The following KAT14 variants were observed in gnomAD, a reference collection of about 807,000 sequenced individuals.
KAT14 encodes the protein lysine acetyltransferase 14.
A neutral mutation model predicts 78.4 loss-of-function variants in KAT14; 66 were observed. The ratio of observed to expected loss-of-function variants is 0.84; its 90% CI spans 0.69 to 1.03. The LOEUF (loss-of-function observed/expected upper bound fraction) is 1.03. Ranked by LOEUF, KAT14 falls within the 50% of genes least tolerant of loss-of-function variation. The probability of loss-of-function intolerance (pLI) is 0.00; values close to 1 mark genes in which losing one functional copy is unlikely to be tolerated. For missense variants in KAT14, 870 were observed against 972.5 expected, an observed-to-expected ratio of 0.89 and a Z score of 1.40; for synonymous variants, 344 against 359.4, an observed-to-expected ratio of 0.96 and a Z score of 0.48.
rs1394415528 is a variant in KAT14 at position 18,161,815 on chromosome 20, C to G, written c.683-8C>G. 1 of 1,609,866 alleles carries G rather than the reference C, an allele frequency of 6.2e-7. No individual in the cohort carries two copies. The highest frequency in any genetic ancestry group is 1.3e-5 in the African/African-American group (1 of 74,614). On this transcript the variant is annotated splice_polypyrimidine_tract_variant and splice_region_variant and intron_variant, in intron 5 of 10. Transcript: ENST00000688188. The stretch of plus-strand genomic sequence containing the variant: ...GATACTCAGCCTGTATTTATTCTTT[C>G]TTAGCAGCCTCAAAACCAACTTTAG...
chr20:18,143,615 A>ATTTTTTTGTTTTT, intron 2 of KAT14, among the ~76,000 whole-genome samples: 1 of 103,998 alleles, frequency 9.6e-6, no homozygotes, highest in Non-Finnish European at 2.0e-5. Context: ...CACCTGGCTA[A>ATTTTTTTGTTTTT]TTTTTTTTTT....
At chr20:18,167,253 A>T (rs992580561) in intron 7 of KAT14, among the ~76,000 whole-genome samples, 4 of 152,148 alleles carry the variant, frequency 2.6e-5, no homozygotes, top group African/African-American at 9.7e-5. Flanking sequence ...TGTAGTATAG[A>T]TTGGGTTAGT....
chr20:18,170,289 C>T (rs972567329), intron 7 of KAT14, among the ~76,000 whole-genome samples: 1 of 152,122 alleles, frequency 6.6e-6, no homozygotes, highest in African/African-American at 2.4e-5. Flanking sequence ...GAAGTCAGTG[C>T]CTAGCTTCAG....
chr20:18,164,841 G>C (rs2076171562), intron 7 of KAT14, among the ~76,000 whole-genome samples: 1 of 151,778 alleles, frequency 6.6e-6, no homozygotes, highest in South Asian at 2.1e-4. Flanking sequence ...TGCCCAGACT[G>C]ATCTCAAACT....
Position 18,162,758 on chromosome 20 carries a change from T to G in KAT14, c.1481T>G (p.Leu494Arg). 1 of 1,614,186 alleles carries G rather than the reference T, an allele frequency of 6.2e-7. No homozygotes were observed. Among genetic ancestry groups the G allele is most frequent in the Middle Eastern group, 1.6e-4 (1 of 6,062 alleles). ...TPEARRLKRK[L>R]IVRQAKRDRG... ...GAAGCTCGGAGACTGAAACGCAAAC[T>G]GATTGTCAGACAAGCGAAAAGGGAT... is the stretch of plus-strand genomic sequence containing the variant. The change falls in exon 7 of 11, where the codon CTG becomes CGG. Residue 494 changes from leucine to arginine, a missense_variant. Leu to Arg is a moderately radical substitution (Grantham distance 102). Coordinates refer to ENST00000688188, the MANE Select transcript of KAT14 (RefSeq NM_001392073.1).
At chr20:18,141,023 A>ATTTTTTT (rs67633205) in intron 1 of KAT14, among the ~76,000 whole-genome samples, 46 of 48,742 alleles carry the variant, frequency 9.4e-4, no homozygotes, top group Middle Eastern at 0.012. Context: ...ACTCCCTGCA[A>ATTTTTTT]TTTTTTTTTT....
rs1013035810 is a variant in KAT14, at chr20:18,181,430, G to T, written c.1669-280G>T. Among the ~76,000 whole-genome samples, 42 of 142,874 alleles carry T rather than the reference G, an allele frequency of 2.9e-4. 1 individual carries two copies. The allele number at this position is 142,874 out of a possible 152,430, so 93.7% of individuals were successfully genotyped here. Reference sequence around the variant, plus strand: ...ATCGCCCAGGCTGGAGTGCAGTGGTGCAATCTCGGCTCACTGCAAGCTCCG... The same window carrying T: ...ATCGCCCAGGCTGGAGTGCAGTGGTTCAATCTCGGCTCACTGCAAGCTCCG... On this transcript the variant is annotated intron_variant, in intron 7 of 10. Coordinates refer to ENST00000688188, the MANE Select transcript of KAT14 (RefSeq NM_001392073.1).
intron 10 of KAT14, among the ~76,000 whole-genome samples, chr20:18,185,611 A>G (rs1234725696): frequency 6.6e-6 from 1 of 152,180 alleles, no homozygotes; most frequent in East Asian, 1.9e-4. Flanking sequence ...CCTTTAATAT[A>G]TTTGTATCAC....
chr20:18,182,811 A>G (rs757098868), intron 8 of KAT14, among the ~76,000 whole-genome samples: 4 of 152,124 alleles, frequency 2.6e-5, no homozygotes, highest in African/African-American at 9.7e-5. Context: ...CTGGCCTCCA[A>G]GGCACTGGAG....
intron 7 of KAT14, among the ~76,000 whole-genome samples, chr20:18,166,886 A>T (rs1163283050): frequency 6.6e-6 from 1 of 152,274 alleles, no homozygotes; most frequent in Non-Finnish European, 1.5e-5. Flanking sequence ...TGTCTAGGTG[A>T]GACCTCTGTT....
At chr20:18,185,282 T>C (rs1424050860) in intron 10 of KAT14, among the ~76,000 whole-genome samples, 1 of 152,172 alleles carries the variant, frequency 6.6e-6, no homozygotes. Context: ...CAATCATAGC[T>C]CACTGCAGCC....
chr20:18,165,650 G>A (rs1293722759), intron 7 of KAT14, among the ~76,000 whole-genome samples: 2 of 152,188 alleles, frequency 1.3e-5, no homozygotes, highest in African/African-American at 4.8e-5. Context: ...TTACAGTGAT[G>A]TTCTGGCTTC....
intron 9 of KAT14, among the ~76,000 whole-genome samples, chr20:18,184,175 TG>T (rs1174050312): frequency 5.3e-5 from 8 of 152,180 alleles, no homozygotes; most frequent in African/African-American, 1.4e-4. Context: ...ATTATATGTG[TG>T]GGGGGTAAAG....
chr20:18,176,387 AG>A (rs2039052394), intron 7 of KAT14, among the ~76,000 whole-genome samples: 1 of 151,900 alleles, frequency 6.6e-6, no homozygotes. Flanking sequence ...GTCCTTAGGC[AG>A]GGGGCATCCT....
chr20:18,164,957 CCTGT>C (rs1382589338), intron 7 of KAT14, among the ~76,000 whole-genome samples: 5 of 151,990 alleles, frequency 3.3e-5, no homozygotes, highest in South Asian at 2.1e-4. Context: ...TTCTTGTGGG[CCTGT>C]CTGTTTACTG....
At chr20:18,186,831 T>G (rs186523461) in intron 10 of KAT14, among the ~76,000 whole-genome samples, 3 of 152,344 alleles carry the variant, frequency 2.0e-5, no homozygotes. Context: ...TATTTCATGT[T>G]TGTGCATGTA....
At chr20:18,152,286 C>T (rs2038077035) in intron 4 of KAT14, among the ~76,000 whole-genome samples, 1 of 151,780 alleles carries the variant, frequency 6.6e-6, no homozygotes, top group Non-Finnish European at 1.5e-5. Flanking sequence ...TCTTAGAAAA[C>T]ACCAACCAGG....
intron 4 of KAT14, among the ~76,000 whole-genome samples, chr20:18,152,542 A>G (rs901641179): frequency 2.0e-5 from 3 of 152,054 alleles, no homozygotes; most frequent in African/African-American, 7.2e-5. Context: ...GGGCCACTTC[A>G]CTCCAGCCTG....
At chr20:18,182,697 A>G (rs2146533864) in intron 8 of KAT14, among the ~76,000 whole-genome samples, 1 of 152,252 alleles carries the variant, frequency 6.6e-6, no homozygotes, top group South Asian at 2.1e-4. Context: ...TGCCAGCACC[A>G]CATTCCTGGG....
Sources: gnomAD v4.1 joint callset for allele counts (sites outside exome capture counted in the v4.1 genomes callset) on GRCh38, gnomAD v4.1.1 for gene constraint, MANE v1.5 for transcripts, NCBI Gene and HGNC (gene_info 2026-07-23, HGNC 2026-07-21) for gene names.